Variants in FDX1 observed in about 807,000 individuals in gnomAD.
The protein encoded by FDX1 is adrenodoxin, mitochondrial.
A neutral mutation model predicts 14.9 loss-of-function variants in FDX1; 9 were observed. That is an observed-to-expected ratio of 0.60 (90% confidence interval 0.36 to 1.05). FDX1 has a LOEUF of 1.05. FDX1 is among the 50% of genes least tolerant of loss of function. FDX1 has a pLI of 0.01. For synonymous variants in FDX1, 92 were observed against 99.4 expected, an observed-to-expected ratio of 0.93 and a Z score of 0.44; for missense variants, 204 against 237.2, an observed-to-expected ratio of 0.86 and a Z score of 0.92.
intron 3 of FDX1, among the ~76,000 whole-genome samples, chr11:110,458,875 G>A (rs1946539609): frequency 6.6e-6 from 1 of 152,148 alleles, no homozygotes; most frequent in African/African-American, 2.4e-5. Flanking sequence ...AAAGTGCTGG[G>A]ATTACAGGCG....
chr11:110,447,101 A>G (rs1283442471), intron 2 of FDX1, among the ~76,000 whole-genome samples: 1 of 150,480 alleles, frequency 6.6e-6, no homozygotes. Context: ...GCTTTAACCC[A>G]GGAGTCAGAG....
intron 2 of FDX1, among the ~76,000 whole-genome samples, chr11:110,450,626 A>G (rs1946480349): frequency 6.6e-6 from 1 of 152,238 alleles, no homozygotes; most frequent in East Asian, 1.9e-4. Flanking sequence ...CTACTTAAGT[A>G]TATTTTAAAA....
intron 2 of FDX1, among the ~76,000 whole-genome samples, chr11:110,455,260 G>T (rs1202645054): frequency 1.3e-5 from 2 of 151,776 alleles, no homozygotes; most frequent in African/African-American, 2.4e-5. Context: ...TCGGCCTCCC[G>T]AAGTGCTGGG....
intron 3 of FDX1, 71 bp from the exon 4 acceptor site, chr11:110,462,283 T>A: frequency 1.2e-6 from 1 of 812,716 alleles, no homozygotes; most frequent in African/African-American, 1.7e-5. Flanking sequence ...AAAGACTATC[T>A]TAAACAACTG....
At position 110,430,138 on chromosome 11, in the gene FDX1, C is replaced by T. The variant is rs1019965086; in HGVS notation, c.18C>T (p.Gly6=). The T allele has an allele frequency of 4.8e-5, 59 of 1,240,010 alleles. No individual in the cohort carries two copies. Among genetic ancestry groups the T allele is most frequent in the Non-Finnish European group, 5.8e-5 (58 of 995,026 alleles). 76.8% of individuals were successfully genotyped at this position (1,240,010 alleles called of 1,614,324 possible). A position where few individuals can be genotyped will look rare whatever the true frequency, so the allele number is the denominator to read the frequency against. The change falls in exon 1 of 4, where the codon GGC becomes GGT. Residue 6 remains glycine, a synonymous_variant. Transcript: ENST00000260270. Reference sequence around the variant, plus strand: ...CGCGGGCGATGGCTGCCGCTGGGGGCGCCCGGCTGCTGCGCGCCGCTTCTG... The same window carrying T: ...CGCGGGCGATGGCTGCCGCTGGGGGTGCCCGGCTGCTGCGCGCCGCTTCTG... The part of the protein sequence containing the change: MAAAG[G]ARLLRAASAV...
At chr11:110,445,631 C>T (rs2134684286) in intron 2 of FDX1, among the ~76,000 whole-genome samples, 1 of 152,270 alleles carries the variant, frequency 6.6e-6, no homozygotes, top group Non-Finnish European at 1.5e-5. Flanking sequence ...AAAGTTTTTT[C>T]TGAAAGTCAT....
At chr11:110,454,042 G>A (rs142076957) in intron 2 of FDX1, among the ~76,000 whole-genome samples, 72 of 152,330 alleles carry the variant, frequency 4.7e-4, no homozygotes, top group African/African-American at 1.5e-3. Context: ...GATCATGAAT[G>A]TGATGTGTTC....
chr11:110,449,044 A>G (rs1433195813), intron 2 of FDX1, among the ~76,000 whole-genome samples: 1 of 152,214 alleles, frequency 6.6e-6, no homozygotes, highest in Non-Finnish European at 1.5e-5. Context: ...AATCATTTTT[A>G]AAGCCTGTAT....
chr11:110,435,995 A>T lies in FDX1; in HGVS notation c.310+37A>T, dbSNP rs746402720. 5 of 1,567,226 alleles carry T rather than the reference A, an allele frequency of 3.2e-6. No individual in the cohort carries two copies. In the Admixed American group the frequency reaches 1.0e-4, roughly 32 times the overall value. ...ACATTTCTTAAAATGCATAAGTGAA[A>T]CTGTTAGGTTTCAAATTTTTATTTT... is the stretch of plus-strand genomic sequence containing the variant. On this transcript the variant is annotated intron_variant, in intron 2 of 3. Coordinates refer to ENST00000260270, the MANE Select transcript of FDX1 (RefSeq NM_004109.5).
At position 110,430,152 on chromosome 11, in the gene FDX1, G is replaced by C; in HGVS notation, c.32G>C (p.Arg11Pro). 8.0e-7 allele frequency: 1 copy of C among 1,242,570 alleles called. No individual in the cohort carries two copies. The highest frequency in any genetic ancestry group is 1.0e-6 in the Non-Finnish European group (1 of 996,614). 77.0% of individuals were successfully genotyped at this position (1,242,570 alleles called of 1,614,324 possible). The change falls in exon 1 of 4, where the codon CGC becomes CCC. Residue 11 changes from arginine to proline, a missense_variant. Coordinates refer to ENST00000260270, the MANE Select transcript of FDX1 (RefSeq NM_004109.5). ...GCCGCTGGGGGCGCCCGGCTGCTGCGCGCCGCTTCTGCTGTCCTCGGCGGC... is the reference window on the plus strand; with the variant it reads ...GCCGCTGGGGGCGCCCGGCTGCTGCCCGCCGCTTCTGCTGTCCTCGGCGGC... MAAAGGARLL[R>P]AASAVLGGPA...
intron 2 of FDX1, among the ~76,000 whole-genome samples, chr11:110,437,844 C>T (rs1268482380): frequency 2.0e-5 from 3 of 152,156 alleles, no homozygotes; most frequent in Non-Finnish European, 2.9e-5. Context: ...ACTTTATGTC[C>T]ATGGGACCCA....
intron 1 of FDX1, among the ~76,000 whole-genome samples, chr11:110,433,532 C>T (rs973084044): frequency 2.0e-5 from 3 of 152,168 alleles, no homozygotes; most frequent in African/African-American, 7.2e-5. Context: ...TTCTCTGTCC[C>T]TGATTAGTTT....
At chr11:110,457,670 G>T (rs1946530778) in intron 3 of FDX1, among the ~76,000 whole-genome samples, 1 of 151,876 alleles carries the variant, frequency 6.6e-6, no homozygotes, top group South Asian at 2.1e-4. Context: ...GATAATGAGG[G>T]CATATTACTT....
rs911836132 is a variant in FDX1 at position 110,430,050 on chromosome 11, C to A, written c.-71C>A. ...GCGTCTGCGCCGCAGCTGCCGCCCCCGCCTCTTTGGAGTCTCTCGCGGCCT... is the reference window on the plus strand; with the variant it reads ...GCGTCTGCGCCGCAGCTGCCGCCCCAGCCTCTTTGGAGTCTCTCGCGGCCT... On this transcript the variant is annotated 5_prime_UTR_variant, in exon 1 of 4. Transcript: ENST00000260270. 121 of 1,103,270 alleles carry A rather than the reference C, an allele frequency of 1.1e-4. No homozygotes were observed. The South Asian group carries it at 1.3e-3, about 12-fold the overall frequency. 68.3% of individuals were successfully genotyped at this position (1,103,270 alleles called of 1,614,324 possible).
At position 110,435,944 on chromosome 11, in the gene FDX1, A is replaced by T. The variant is rs756272504; in HGVS notation, c.296A>T (p.Asp99Val). 1.2e-6 allele frequency: 2 copies of T among 1,611,672 alleles called. No individual in the cohort carries two copies. The highest frequency in any genetic ancestry group is 3.3e-5 in the Admixed American group (2 of 59,748). Reference sequence around the variant, plus strand: ...GATGTTGTGGTTGAAAATAATCTAGATATTGATGGCTTTGGTGAGTATGAA... The same window carrying T: ...GATGTTGTGGTTGAAAATAATCTAGTTATTGATGGCTTTGGTGAGTATGAA... Reference protein sequence around the residue: ...LLDVVVENNLDIDGFGACEGT... With the variant: ...LLDVVVENNLVIDGFGACEGT... Residue 99 changes from aspartate to valine, a missense_variant, in exon 2 of 4, where the codon GAT becomes GTT. Coordinates refer to ENST00000260270, the MANE Select transcript of FDX1 (RefSeq NM_004109.5).
chr11:110,443,292 G>C (rs1479989368), intron 2 of FDX1, among the ~76,000 whole-genome samples: 1 of 133,476 alleles, frequency 7.5e-6, no homozygotes, highest in Middle Eastern at 3.5e-3. Flanking sequence ...TTTTTTTTCT[G>C]TAGGAAAATG....
At chr11:110,448,657 A>G (rs1033292452) in intron 2 of FDX1, among the ~76,000 whole-genome samples, 4 of 152,262 alleles carry the variant, frequency 2.6e-5, no homozygotes, top group Non-Finnish European at 5.9e-5. Context: ...TTCCTGTTTT[A>G]AAAAAACAAA....
At chr11:110,448,288 A>G (rs1048277427) in intron 2 of FDX1, among the ~76,000 whole-genome samples, 19 of 152,170 alleles carry the variant, frequency 1.2e-4, no homozygotes, top group Non-Finnish European at 2.2e-4. Context: ...TTGAGTCCCT[A>G]TTGATATAAT....
At position 110,444,726 on chromosome 11, in the gene FDX1, A is replaced by ATATATATATATATACG. The variant is rs1565382029; in HGVS notation, c.310+8782_310+8783insCGTATATATATATATA. On this transcript the variant is annotated intron_variant, in intron 2 of 3. Coordinates refer to ENST00000260270, the MANE Select transcript of FDX1 (RefSeq NM_004109.5). Reference sequence around the variant, plus strand: ...TATACGTATATATATATATATACGTATATATATATATATATATACACGTAT... The same window carrying ATATATATATATATACG: ...TATACGTATATATATATATATACGTATATATATATATATACGTATATATATATATATATACACGTAT... Among the ~76,000 whole-genome samples, 7 of 62,352 alleles carry ATATATATATATATACG rather than the reference A, an allele frequency of 1.1e-4. No individual in the cohort carries two copies. In the East Asian group the frequency reaches 2.9e-3, roughly 25 times the overall value. The allele number at this position is 62,352 out of a possible 152,430, so 40.9% of individuals were successfully genotyped here.
Sources: allele counts gnomAD v4.1 joint callset (sites outside exome capture counted in the v4.1 genomes callset), GRCh38; gene constraint gnomAD v4.1.1; transcripts MANE v1.5; gene names NCBI Gene and HGNC (gene_info 2026-07-23, HGNC 2026-07-21).